ZBTB7C: variants seen among roughly 807,000 people sequenced by gnomAD.
ZBTB7C encodes zinc finger and BTB domain containing 7C.
Under a neutral mutation model 25.7 loss-of-function variants are expected in ZBTB7C, and 8 were observed. That is an observed-to-expected ratio of 0.31 (90% CI 0.18 to 0.56). The LOEUF (loss-of-function observed/expected upper bound fraction) is 0.56, where lower values mean the gene tolerates loss of function less well. Among genes scored for constraint, ZBTB7C ranks in the 20% least tolerant of loss-of-function variants. The probability of loss-of-function intolerance (pLI) is 0.91; values close to 1 mark genes in which losing one functional copy is unlikely to be tolerated. For synonymous variants in ZBTB7C, 394 were observed against 369.0 expected (o/e 1.07, Z -0.78); for missense variants, 824 against 855.2 (o/e 0.96, Z 0.46).
intron 3 of ZBTB7C, among the ~76,000 whole-genome samples, chr18:48,076,639 C>A (rs1181319111): frequency 6.6e-6 from 1 of 152,156 alleles, no homozygotes; most frequent in East Asian, 1.9e-4. Context: ...GATGCAAGAA[C>A]CCCATGGGCA....
intron 2 of ZBTB7C, among the ~76,000 whole-genome samples, chr18:48,275,270 A>C (rs1014765263): frequency 2.6e-5 from 4 of 152,210 alleles, no homozygotes; most frequent in Non-Finnish European, 5.9e-5. Flanking sequence ...CTTATGGTTT[A>C]CTAGAAGGCA....
intron 3 of ZBTB7C, among the ~76,000 whole-genome samples, chr18:48,055,540 G>A (rs117327172): frequency 5.1e-4 from 78 of 152,088 alleles, no homozygotes; most frequent in Admixed American, 3.5e-3. Context: ...ATCGTGGAAA[G>A]CTGTGCAACA....
chr18:48,137,330 A>G (rs1476346857), intron 3 of ZBTB7C: 1 of 985,458 alleles, frequency 1.0e-6, no homozygotes, highest in Non-Finnish European at 1.2e-6. Context: ...GAAAAGGTAA[A>G]GCAGAAATAA....
At chr18:48,339,042 G>A (rs2046529687) in intron 1 of ZBTB7C, among the ~76,000 whole-genome samples, 1 of 152,204 alleles carries the variant, frequency 6.6e-6, no homozygotes, top group African/African-American at 2.4e-5. Context: ...AGAGACACCG[G>A]CTCCACAGAG....
chr18:48,068,623 C>T (rs936444822), intron 3 of ZBTB7C, among the ~76,000 whole-genome samples: 5 of 152,136 alleles, frequency 3.3e-5, no homozygotes, highest in Non-Finnish European at 7.4e-5. Context: ...CCATGTGCAA[C>T]CCAGGCTGAG....
Position 48,245,488 on chromosome 18 carries a change from A to G in ZBTB7C, c.-78-59493T>C, listed in dbSNP as rs2043659983. ...CCTATTGAAATAAAAAAATAGATCA[A>G]GACACCAAAAAAAAAAAAAGAAAAA... On this transcript the variant is annotated intron_variant, in intron 2 of 4. Coordinates refer to ENST00000590800, the MANE Select transcript of ZBTB7C (RefSeq NM_001318841.2). 6.6e-5 allele frequency among the ~76,000 whole-genome samples: 3 copies of G among 45,668 alleles called. No individual in the cohort carries two copies. The Admixed American group carries it at 1.2e-3, about 18-fold the overall frequency. 30.0% of individuals were successfully genotyped at this position (45,668 alleles called of 152,430 possible). A position where few individuals can be genotyped will look rare whatever the true frequency, so the allele number is the denominator to read the frequency against.
chr18:48,316,458 T>C lies in ZBTB7C; in HGVS notation c.-79+21716A>G, dbSNP rs187397725. 2.4e-3 allele frequency among the ~76,000 whole-genome samples: 363 copies of C among 152,336 alleles called. 1 individual carries two copies. Among genetic ancestry groups the C allele is most frequent in the Non-Finnish European group, 4.5e-3 (308 of 68,020 alleles). On this transcript the variant is annotated intron_variant, in intron 2 of 4. Transcript: ENST00000590800. Reference sequence around the variant, plus strand: ...GATATCATTTGGATGTTTATCCCCTTCAAACCTTACGTTGAAATGTGACCC... The same window carrying C: ...GATATCATTTGGATGTTTATCCCCTCCAAACCTTACGTTGAAATGTGACCC...
intron 3 of ZBTB7C, among the ~76,000 whole-genome samples, chr18:48,128,535 C>A (rs1224313356): frequency 6.6e-6 from 1 of 152,222 alleles, no homozygotes; most frequent in Non-Finnish European, 1.5e-5. Context: ...CAAAAAGGAA[C>A]AAAATAATGT....
At chr18:48,108,879 T>C (rs538291379) in intron 3 of ZBTB7C, among the ~76,000 whole-genome samples, 1 of 152,266 alleles carries the variant, frequency 6.6e-6, no homozygotes, top group Non-Finnish European at 1.5e-5. Context: ...GGGAACTTGC[T>C]CCTTTATATG....
intron 2 of ZBTB7C, among the ~76,000 whole-genome samples, chr18:48,280,811 T>G (rs1351232917): frequency 6.6e-6 from 1 of 152,030 alleles, no homozygotes; most frequent in African/African-American, 2.4e-5. Flanking sequence ...ATTCCTTGAT[T>G]TAAGCACCAG....
intron 2 of ZBTB7C, among the ~76,000 whole-genome samples, chr18:48,323,155 C>T (rs2046138123): frequency 6.6e-6 from 1 of 152,084 alleles, no homozygotes; most frequent in Admixed American, 6.6e-5. Flanking sequence ...ACTTATTTAA[C>T]CAACCACCTG....
chr18:48,078,808 C>A (rs1475245176), intron 3 of ZBTB7C, among the ~76,000 whole-genome samples: 2 of 152,156 alleles, frequency 1.3e-5, no homozygotes, highest in Non-Finnish European at 2.9e-5. Flanking sequence ...AACATGTAAC[C>A]TTTTGTGTCT....
intron 4 of ZBTB7C, among the ~76,000 whole-genome samples, chr18:48,039,621 G>A (rs1045741397): frequency 4.6e-5 from 7 of 152,204 alleles, no homozygotes; most frequent in Non-Finnish European, 8.8e-5. Flanking sequence ...CAAGGTGCTT[G>A]AGGCGCCTCA....
Position 48,028,909 on chromosome 18 carries a change from A to C in ZBTB7C, c.*351T>G. On this transcript the variant is annotated 3_prime_UTR_variant, in exon 5 of 5. Transcript: ENST00000590800. The stretch of plus-strand genomic sequence containing the variant: ...CTCCTCCTGCTGTGGCTGGCTGGGC[A>C]CCAGGCCAACCACCCCCTGACCCCT... The C allele has an allele frequency of 3.7e-6, 1 of 269,144 alleles. No individual in the cohort carries two copies. The highest frequency in any genetic ancestry group is 6.9e-6 in the Non-Finnish European group (1 of 145,254). The allele number at this position is 269,144 out of a possible 1,614,324, so 16.7% of individuals were successfully genotyped here. A position where few individuals can be genotyped will look rare whatever the true frequency, so the allele number is the denominator to read the frequency against.
At position 48,294,120 on chromosome 18, in the gene ZBTB7C, C is replaced by T. The variant is rs533106902; in HGVS notation, c.-79+44054G>A. On this transcript the variant is annotated intron_variant, in intron 2 of 4. Transcript: ENST00000590800. ...GCTGCTGGCGTGGTTCAGCATGCAC[C>T]TTCCCCTGGGAGCCCGGAGAGCACA... is the stretch of plus-strand genomic sequence containing the variant. 6.5e-4 allele frequency among the ~76,000 whole-genome samples: 99 copies of T among 152,338 alleles called. No homozygotes were observed. The South Asian group carries it at 0.019, about 30-fold the overall frequency.
chr18:48,265,538 T>C (rs965812704), intron 2 of ZBTB7C, among the ~76,000 whole-genome samples: 4 of 152,190 alleles, frequency 2.6e-5, no homozygotes, highest in African/African-American at 9.7e-5. Flanking sequence ...GAGAACTAAA[T>C]GACATCATGC....
intron 2 of ZBTB7C, among the ~76,000 whole-genome samples, chr18:48,238,274 T>C (rs909618250): frequency 1.3e-5 from 2 of 152,162 alleles, no homozygotes; most frequent in South Asian, 2.1e-4. Flanking sequence ...AAATGGCAGA[T>C]AGGAGGTAGG....
chr18:48,393,018 C>T (rs929510851), intron 1 of ZBTB7C, among the ~76,000 whole-genome samples: 29 of 152,176 alleles, frequency 1.9e-4, no homozygotes, highest in Non-Finnish European at 4.0e-4. Flanking sequence ...CTCAGAAATT[C>T]GCTTCAGCAC....
intron 3 of ZBTB7C, among the ~76,000 whole-genome samples, chr18:48,087,502 C>T (rs2038234979): frequency 6.6e-6 from 1 of 152,156 alleles, no homozygotes; most frequent in Non-Finnish European, 1.5e-5. Context: ...GCATTTATGG[C>T]CAGGCATGGT....
Sources: allele counts gnomAD v4.1 joint callset (sites outside exome capture counted in the v4.1 genomes callset), GRCh38; gene constraint gnomAD v4.1.1; transcripts MANE v1.5; gene names NCBI Gene and HGNC (gene_info 2026-07-23, HGNC 2026-07-21).